The following ANXA7 variants were observed in gnomAD, a reference collection of about 807,000 sequenced individuals.
ANXA7 encodes the protein annexin A7, also known as annexin VII.
In ANXA7, 55 loss-of-function variants were observed where a neutral mutation model predicts 64.9. The observed-to-expected ratio is 0.85, with a 90% CI of 0.68 to 1.06. The LOEUF (loss-of-function observed/expected upper bound fraction) is 1.06. Ranked by LOEUF, ANXA7 falls within the 50% of genes least tolerant of loss-of-function variation. The pLI is 0.00. For synonymous variants in ANXA7, 200 were observed against 192.4 expected (o/e 1.04, Z -0.33); for missense variants, 548 against 582.1 (o/e 0.94, Z 0.60).
At chr10:73,384,132 TA>T (rs2055324782) in intron 7 of ANXA7, among the ~76,000 whole-genome samples, 1 of 151,074 alleles carries the variant, frequency 6.6e-6, no homozygotes, top group Admixed American at 6.6e-5. Context: ...AAAAAAAAAA[TA>T]AATAAATAGA....
chr10:73,382,025 C>A (rs2055284277), intron 9 of ANXA7, among the ~76,000 whole-genome samples: 1 of 152,100 alleles, frequency 6.6e-6, no homozygotes, highest in Non-Finnish European at 1.5e-5. Context: ...ATTACAGGTG[C>A]CACCACTCCT....
chr10:73,399,600 A>C (rs2055627755), intron 2 of ANXA7, among the ~76,000 whole-genome samples: 1 of 152,028 alleles, frequency 6.6e-6, no homozygotes, highest in Non-Finnish European at 1.5e-5. Flanking sequence ...AGGTGGGCGG[A>C]TCACGAGGTC....
chr10:73,395,036 A>G (rs1167910621), intron 5 of ANXA7, among the ~76,000 whole-genome samples: 1 of 152,224 alleles, frequency 6.6e-6, no homozygotes. Context: ...ATGATTGGCA[A>G]ACAACTTCAA....
At chr10:73,400,967 C>T (rs145893801) in intron 1 of ANXA7, 110 bp from the exon 2 acceptor site, 47 of 856,362 alleles carry the variant, frequency 5.5e-5, no homozygotes, top group African/African-American at 3.7e-4. Context: ...AGTGCAGTGG[C>T]GTGATTTTGG....
At chr10:73,391,952 A>G (rs2055490807) in intron 5 of ANXA7, among the ~76,000 whole-genome samples, 1 of 152,158 alleles carries the variant, frequency 6.6e-6, no homozygotes, top group Non-Finnish European at 1.5e-5. Context: ...TAAGTTGCAT[A>G]TGAGACTAAT....
chr10:73,396,806 A>C (rs2055583399), intron 4 of ANXA7, among the ~76,000 whole-genome samples: 3 of 152,206 alleles, frequency 2.0e-5, no homozygotes, highest in Admixed American at 2.0e-4. Context: ...CTCATAAATA[A>C]TACTTTTTTC....
In ANXA7 at chr10:73,377,868, AGGTTT is replaced by A. The variant is rs1420937719; in HGVS notation, c.1278+1038_1278+1042del. Among the ~76,000 whole-genome samples, 115 of 146,320 alleles carry A rather than the reference AGGTTT, an allele frequency of 7.9e-4. 1 individual carries two copies. The highest frequency in any genetic ancestry group is 2.7e-3 in the African/African-American group (105 of 39,068). On this transcript the variant is annotated intron_variant, in intron 12 of 12. Coordinates refer to ENST00000372921, the MANE Select transcript of ANXA7 (RefSeq NM_001156.5). ...GTGTGTGTGTATTTTTTGTATAAAT[AGGTTT>A]CACCATGTTGCCCAGGCTACCACGC... is the stretch of plus-strand genomic sequence containing the variant.
intron 5 of ANXA7, among the ~76,000 whole-genome samples, chr10:73,395,654 C>T (rs2055557510): frequency 6.6e-6 from 1 of 151,906 alleles, no homozygotes; most frequent in Non-Finnish European, 1.5e-5. Flanking sequence ...GGTGTAGTGG[C>T]GTGCGCCTGT....
rs772390600 is a variant in ANXA7 at position 73,383,326 on chromosome 10, C to T, written c.767G>A (p.Arg256His). The change falls in exon 9 of 13, where the codon CGT becomes CAT. Residue 256 changes from arginine to histidine, a missense_variant. Arg to His is a conservative substitution (Grantham distance 29, BLOSUM62 0). Transcript: ENST00000372921. ...TGTGCACAAAATCTCAATCAATACA[C>T]GTTCCTGAGTTCCTGCTCCCTACAT... ...KAMQGAGTQE[R>H]VLIEILCTRT... 20 of 1,613,526 alleles carry T rather than the reference C, an allele frequency of 1.2e-5. No homozygotes were observed. Among genetic ancestry groups the T allele is most frequent in the Middle Eastern group, 1.7e-4 (1 of 6,058 alleles).
chr10:73,398,823 C>T (rs1271830919), intron 2 of ANXA7, among the ~76,000 whole-genome samples: 1 of 152,070 alleles, frequency 6.6e-6, no homozygotes, highest in Non-Finnish European at 1.5e-5. Context: ...AAAAGGTAAC[C>T]TGTATATCAC....
intron 5 of ANXA7, among the ~76,000 whole-genome samples, chr10:73,390,723 AAT>A (rs1178271224): frequency 1.3e-4 from 15 of 113,484 alleles, no homozygotes; most frequent in African/African-American, 4.7e-4. Context: ...TATATATAAA[AAT>A]ATATATATAC....
intron 2 of ANXA7, among the ~76,000 whole-genome samples, chr10:73,399,597 C>T (rs558270667): frequency 1.6e-4 from 24 of 152,008 alleles, no homozygotes; most frequent in African/African-American, 5.8e-4. Context: ...CCGAGGTGGG[C>T]GGATCACGAG....
At chr10:73,393,889 C>T (rs537545660) in intron 5 of ANXA7, among the ~76,000 whole-genome samples, 388 of 152,272 alleles carry the variant, frequency 2.5e-3, no homozygotes, top group African/African-American at 8.6e-3. Context: ...AGCTTCTGCA[C>T]GGCAAAAGAA....
chr10:73,388,409 G>A lies in ANXA7; in HGVS notation c.441C>T (p.Ala147=), dbSNP rs535016813. Residue 147 remains alanine, a synonymous_variant, in exon 6 of 13, where the codon GCC becomes GCT. Coordinates refer to ENST00000372921, the MANE Select transcript of ANXA7 (RefSeq NM_001156.5). ...GGQPTYPSQP[A]TVTQVTQGTI... is the part of the protein sequence containing the mutation. ...TTCCTTGAGTGACCTGAGTCACTGT[G>A]GCAGGCTGAAAATAAAAGGCATAAA... 2 of 1,610,316 alleles carry A rather than the reference G, an allele frequency of 1.2e-6. No homozygotes were observed. The highest frequency in any genetic ancestry group is 2.2e-5 in the East Asian group (1 of 44,840).
At chr10:73,405,112 A>G (rs565783939) in intron 1 of ANXA7, among the ~76,000 whole-genome samples, 21 of 152,182 alleles carry the variant, frequency 1.4e-4, no homozygotes, top group African/African-American at 5.1e-4. Flanking sequence ...GTGTGGTGGC[A>G]TGTGCCTGTA....
chr10:73,379,948 T>G lies in ANXA7; in HGVS notation c.1096A>C (p.Asn366His), dbSNP rs1193693232. 8 of 1,613,880 alleles carry G rather than the reference T, an allele frequency of 5.0e-6. No homozygotes were observed. The African/African-American group carries it at 1.1e-4, about 22-fold the overall frequency. The change falls in exon 11 of 13, where the codon AAT becomes CAT. Residue 366 changes from asparagine to histidine, a missense_variant. Coordinates refer to ENST00000372921, the MANE Select transcript of ANXA7 (RefSeq NM_001156.5). ...CTCACACTGCTTAACAAGTCTCGAT[T>G]AGCCATCTGCAAACAAAATTAAAGG... ...ATMEAYSRMA[N>H]RDLLSSVSRE...
intron 2 of ANXA7, among the ~76,000 whole-genome samples, chr10:73,399,593 T>C (rs2055627596): frequency 6.8e-6 from 1 of 146,578 alleles, no homozygotes; most frequent in Non-Finnish European, 1.5e-5. Context: ...GAGGCCGAGG[T>C]GGGCGGATCA....
chr10:73,395,895 A>G (rs1485967339), intron 5 of ANXA7: 1 of 717,584 alleles, frequency 1.4e-6, no homozygotes, highest in Non-Finnish European at 2.6e-6. Flanking sequence ...TACTATGTCT[A>G]AAGCCCTACC....
rs976556605 is a variant in ANXA7, at chr10:73,388,346, A to G, written c.504T>C (p.Asp168=). Reference sequence around the variant, plus strand: ...TCATTGCCTTACGAAGAATTTCTGCATCTCTTATAGCATCGAAGTTGGCAG... The same window carrying G: ...TCATTGCCTTACGAAGAATTTCTGCGTCTCTTATAGCATCGAAGTTGGCAG... The part of the protein sequence containing the change: ...RPAANFDAIR[D]AEILRKAMKG... The change falls in exon 6 of 13, where the codon GAT becomes GAC. Residue 168 remains aspartate (D), a synonymous_variant. Transcript: ENST00000372921. 4 of 1,613,994 alleles carry G rather than the reference A, an allele frequency of 2.5e-6. No individual in the cohort carries two copies. In the African/African-American group the frequency reaches 4.0e-5, roughly 16 times the overall value.
Sources: allele counts gnomAD v4.1 joint callset (sites outside exome capture counted in the v4.1 genomes callset), GRCh38; gene constraint gnomAD v4.1.1; transcripts MANE v1.5; gene names NCBI Gene and HGNC (gene_info 2026-07-23, HGNC 2026-07-21).